Variants in TBCA observed in about 807,000 individuals in gnomAD.
The protein encoded by TBCA is tubulin-specific chaperone A.
In TBCA, 6 loss-of-function variants were observed where a neutral mutation model predicts 15.8. That is an observed-to-expected ratio of 0.38 (90% CI 0.21 to 0.75). TBCA has a LOEUF of 0.75. TBCA is among the 30% of genes least tolerant of loss of function. The pLI is 0.46. For synonymous variants in TBCA, 32 were observed against 42.3 expected (o/e 0.76, Z 0.94); for missense variants, 90 against 131.2 (o/e 0.69, Z 1.53).
At chr5:77,736,968 C>T (rs940219533) in intron 1 of TBCA, among the ~76,000 whole-genome samples, 1 of 152,132 alleles carries the variant, frequency 6.6e-6, no homozygotes, top group Admixed American at 6.5e-5. Context: ...TTAGTTGTGC[C>T]TGCTTAAACT....
chr5:77,707,869 C>A (rs942415084), intron 2 of TBCA, among the ~76,000 whole-genome samples: 21 of 152,202 alleles, frequency 1.4e-4, no homozygotes, highest in African/African-American at 5.1e-4. Flanking sequence ...CAAATCTTAG[C>A]TATGCCAGGT....
intron 1 of TBCA, among the ~76,000 whole-genome samples, chr5:77,738,387 CT>C (rs1417221838): frequency 9.9e-5 from 15 of 152,186 alleles, no homozygotes; most frequent in Non-Finnish European, 1.5e-4. Context: ...TACTTGCCCC[CT>C]GACCCTCAGT....
At chr5:77,753,956 A>C (rs1747416154) in intron 1 of TBCA, among the ~76,000 whole-genome samples, 1 of 152,132 alleles carries the variant, frequency 6.6e-6, no homozygotes, top group African/African-American at 2.4e-5. Context: ...GGGTTTCACC[A>C]TGTTGGCCAC....
intron 1 of TBCA, among the ~76,000 whole-genome samples, chr5:77,746,290 AT>A (rs552421328): frequency 2.0e-5 from 3 of 152,118 alleles, no homozygotes; most frequent in South Asian, 4.1e-4. Flanking sequence ...AAAATAAATA[AT>A]TTTTTTAATA....
chr5:77,771,665 G>A (rs1747918588), intron 1 of TBCA, among the ~76,000 whole-genome samples: 1 of 152,144 alleles, frequency 6.6e-6, no homozygotes, highest in South Asian at 2.1e-4. Context: ...TTGCACGCAT[G>A]GCTGGATCTC....
intron 1 of TBCA, among the ~76,000 whole-genome samples, chr5:77,709,826 T>TA: frequency 6.6e-6 from 1 of 151,990 alleles, no homozygotes; most frequent in Middle Eastern, 3.4e-3. Flanking sequence ...TATTGGGCAA[T>TA]AAAAAACATA....
At chr5:77,750,436 G>A (rs1211118219) in intron 1 of TBCA, among the ~76,000 whole-genome samples, 2 of 152,040 alleles carry the variant, frequency 1.3e-5, no homozygotes, top group East Asian at 1.9e-4. Flanking sequence ...TTATACTAGT[G>A]GAGATTAATG....
chr5:77,740,052 G>C (rs1053465601), intron 1 of TBCA, among the ~76,000 whole-genome samples: 3 of 152,136 alleles, frequency 2.0e-5, no homozygotes, highest in Non-Finnish European at 4.4e-5. Flanking sequence ...ACTGGAAAAA[G>C]GATATCTGGC....
At chr5:77,762,911 C>CT in intron 1 of TBCA, among the ~76,000 whole-genome samples, 1 of 152,186 alleles carries the variant, frequency 6.6e-6, no homozygotes, top group East Asian at 1.9e-4. Context: ...CTCACACCCT[C>CT]TTTTTTTCTT....
rs202006631 is a variant in TBCA, at chr5:77,776,336, T to C, written c.-79A>G. On this transcript the variant is annotated 5_prime_UTR_variant, in exon 1 of 4. Transcript: ENST00000380377. ...GGCGACGCGCAGAGGCTGCGGCTAT[T>C]TAGGCGTGGTCGCCGGCGCGCATGC... 3.8e-5 allele frequency: 58 copies of C among 1,517,192 alleles called. 1 individual carries two copies. In the East Asian group the frequency reaches 6.7e-4, roughly 17 times the overall value. 94.0% of individuals were successfully genotyped at this position (1,517,192 alleles called of 1,614,324 possible).
chr5:77,727,490 G>C (rs749898740), intron 1 of TBCA, among the ~76,000 whole-genome samples: 6 of 151,960 alleles, frequency 3.9e-5, no homozygotes, highest in Non-Finnish European at 8.8e-5. Flanking sequence ...ATGAGTACGA[G>C]AACAATACTA....
chr5:77,714,584 T>TTTTTTTA (rs1223579520), intron 1 of TBCA, among the ~76,000 whole-genome samples: 1 of 151,738 alleles, frequency 6.6e-6, no homozygotes, highest in Non-Finnish European at 1.5e-5. Context: ...TATTTTTTTT[T>TTTTTTTA]GAGATGGAGT....
At chr5:77,722,024 T>C (rs930204773) in intron 1 of TBCA, among the ~76,000 whole-genome samples, 4 of 152,018 alleles carry the variant, frequency 2.6e-5, no homozygotes, top group African/African-American at 7.2e-5. Context: ...AAAAAATATA[T>C]AAATTATGTC....
intron 1 of TBCA, among the ~76,000 whole-genome samples, chr5:77,730,341 G>A (rs11954532): frequency 0.11 from 16,248 of 152,112 alleles, 933 homozygotes; most frequent in Middle Eastern, 0.13. Context: ...CACAAACCAA[G>A]GAATACCAAA....
intron 1 of TBCA, among the ~76,000 whole-genome samples, chr5:77,720,093 G>A (rs1221162702): frequency 2.6e-5 from 4 of 152,072 alleles, no homozygotes; most frequent in African/African-American, 9.7e-5. Context: ...GCTGAAAACT[G>A]AGATCATCAT....
intron 1 of TBCA, among the ~76,000 whole-genome samples, chr5:77,739,814 A>C (rs767172221): frequency 1.3e-5 from 2 of 152,228 alleles, no homozygotes; most frequent in Non-Finnish European, 2.9e-5. Context: ...AAGGAATTCC[A>C]CAACTAGAAA....
chr5:77,723,546 A>C lies in TBCA; in HGVS notation c.54-15199T>G, dbSNP rs577909782. Reference sequence around the variant, plus strand: ...AATGCTGTGAGAAACTGAACTTTGAAATTCCCAACCATCTGATTTAACCTA... The same window carrying C: ...AATGCTGTGAGAAACTGAACTTTGACATTCCCAACCATCTGATTTAACCTA... On this transcript the variant is annotated intron_variant, in intron 1 of 3. Coordinates refer to ENST00000380377, the MANE Select transcript of TBCA (RefSeq NM_004607.3). 4.0e-4 allele frequency among the ~76,000 whole-genome samples: 61 copies of C among 152,070 alleles called. 1 individual carries two copies. Among genetic ancestry groups the C allele is most frequent in the Non-Finnish European group, 7.4e-5 (5 of 67,844 alleles).
chr5:77,755,588 A>C (rs1265007665), intron 1 of TBCA, among the ~76,000 whole-genome samples: 1 of 152,034 alleles, frequency 6.6e-6, no homozygotes, highest in Non-Finnish European at 1.5e-5. Context: ...AATAAATAAA[A>C]ATTTAAAATA....
Position 77,766,511 on chromosome 5 carries a change from TA to T in TBCA, c.53+9693del, listed in dbSNP as rs201334319. ...TCTCACTTTTATTTATTTATTTATTTATTTTTTTTTTTTTTTGAGACGGAGT... is the reference window on the plus strand; with the variant it reads ...TCTCACTTTTATTTATTTATTTATTTTTTTTTTTTTTTTTTGAGACGGAGT... On this transcript the variant is annotated intron_variant, in intron 1 of 3. Transcript: ENST00000380377. Among the ~76,000 whole-genome samples, 20 of 36,036 alleles carry T rather than the reference TA, an allele frequency of 5.6e-4. 7 individuals are homozygous for T. Among genetic ancestry groups the T allele is most frequent in the African/African-American group, 1.2e-3 (17 of 14,518 alleles). 23.6% of individuals were successfully genotyped at this position (36,036 alleles called of 152,430 possible).
Sources: gnomAD v4.1 joint callset for allele counts (sites outside exome capture counted in the v4.1 genomes callset) on GRCh38, gnomAD v4.1.1 for gene constraint, MANE v1.5 for transcripts, NCBI Gene and HGNC (gene_info 2026-07-23, HGNC 2026-07-21) for gene names.